SYNE1: variants seen among roughly 807,000 people sequenced by gnomAD.
SYNE1 encodes spectrin repeat containing nuclear envelope protein 1.
In SYNE1, 616 loss-of-function variants were observed where a neutral mutation model predicts 1,111.0. The observed-to-expected ratio is 0.55, with a 90% CI of 0.52 to 0.59. The LOEUF is 0.59. SYNE1 is among the 20% of genes least tolerant of loss of function. The probability of loss-of-function intolerance (pLI) is 0.00; values close to 1 mark genes in which losing one functional copy is unlikely to be tolerated. For missense variants in SYNE1, 10,006 were observed against 10,417.0 expected (o/e 0.96, Z 1.72); for synonymous variants, 3,855 against 3,825.8 (o/e 1.01, Z -0.28).
chr6:152,362,376 T>C lies in SYNE1; in HGVS notation c.10146-53A>G, dbSNP rs2096948265. ...TCCACATTGAGAATCCTTAGGAGTC[T>C]AAAATGTCATTGTGTCTGCTCCATC... On this transcript the variant is annotated intron_variant, in intron 63 of 145. Coordinates refer to ENST00000367255, the MANE Select transcript of SYNE1 (RefSeq NM_182961.4). The C allele has an allele frequency of 5.6e-6, 9 of 1,611,364 alleles. No homozygotes were observed. The Middle Eastern group carries it at 8.3e-4, about 148-fold the overall frequency.
chr6:152,395,709 G>A, intron 50 of SYNE1, 38 bp from the exon 51 acceptor site: 9 of 1,608,808 alleles, frequency 5.6e-6, no homozygotes, highest in Non-Finnish European at 7.7e-6. Context: ...ATTCTTACAT[G>A]CTTGTTATGA....
Position 152,416,615 on chromosome 6 carries a change from C to G in SYNE1, c.5822G>C (p.Ser1941Thr). ...SKAQYHLKIG[S>T]SEQRTSCRAT... Reference sequence around the variant, plus strand: ...TCTGCAGGAAGTCCTTTGCTCAGAGCTCCCGATTTTCAGATGGTATTGGGC... The same window carrying G: ...TCTGCAGGAAGTCCTTTGCTCAGAGGTCCCGATTTTCAGATGGTATTGGGC... Residue 1941 changes from serine to threonine, a missense_variant, in exon 41 of 146, where the codon AGC (serine) becomes ACC (threonine). Coordinates refer to ENST00000367255, the MANE Select transcript of SYNE1 (RefSeq NM_182961.4). The G allele has an allele frequency of 6.2e-7, 1 of 1,614,106 alleles. No individual in the cohort carries two copies. The highest frequency in any genetic ancestry group is 8.5e-7 in the Non-Finnish European group (1 of 1,180,018).
At chr6:152,508,566 C>T (rs56697395) in intron 8 of SYNE1, among the ~76,000 whole-genome samples, 5,178 of 152,208 alleles carry the variant, frequency 0.034, 297 homozygotes, top group African/African-American at 0.12. Context: ...AATTTAATGT[C>T]GTGTGAAGCA....
chr6:152,135,157 T>C lies in SYNE1; in HGVS notation c.25735A>G (p.Ile8579Val), dbSNP rs200178554. ...ATCTCTGCATCAAGGTTAGAATCAA[T>C]AGGGACAATTTCATTTTTCCTTCTG... ...IDRRKNEIVPIDSNLDAEILQ... is the reference protein window; with the variant it reads ...IDRRKNEIVPVDSNLDAEILQ... The change falls in exon 142 of 146, where the codon ATT (isoleucine) becomes GTT (valine). Residue 8579 changes from isoleucine to valine, a missense_variant. By Grantham distance (29) the Ile-to-Val change is conservative. This residue lies in a region of SYNE1 where 761 missense variants were observed against 795.5 expected (regional missense o/e 0.96). Coordinates refer to ENST00000367255, the MANE Select transcript of SYNE1 (RefSeq NM_182961.4). The C allele has an allele frequency of 2.5e-6, 4 of 1,614,128 alleles. No individual in the cohort carries two copies. The highest frequency in any genetic ancestry group is 4.5e-5 in the East Asian group (2 of 44,858).
intron 42 of SYNE1, among the ~76,000 whole-genome samples, chr6:152,411,731 C>A (rs79096314): frequency 0.035 from 5,177 of 149,580 alleles, 126 homozygotes; most frequent in African/African-American, 0.052. Context: ...ACACACACCC[C>A]CACACACACA....
intron 95 of SYNE1, among the ~76,000 whole-genome samples, chr6:152,292,552 T>C (rs888703482): frequency 2.0e-5 from 3 of 152,190 alleles, no homozygotes; most frequent in Non-Finnish European, 4.4e-5. Context: ...CTGAAAGATA[T>C]ATACTGCAAA....
chr6:152,200,934 C>T (rs763012197), intron 127 of SYNE1, among the ~76,000 whole-genome samples: 40 of 152,144 alleles, frequency 2.6e-4, no homozygotes, highest in African/African-American at 8.9e-4. Flanking sequence ...GATTTCTAGA[C>T]CTCTTTAACA....
intron 95 of SYNE1, among the ~76,000 whole-genome samples, chr6:152,284,427 A>G (rs996712098): frequency 3.3e-5 from 5 of 151,652 alleles, no homozygotes; most frequent in Non-Finnish European, 5.9e-5. Flanking sequence ...CAATAGGATC[A>G]TCTGTAATAC....
intron 24 of SYNE1, among the ~76,000 whole-genome samples, chr6:152,454,349 G>C (rs2098678277): frequency 6.6e-6 from 1 of 152,130 alleles, no homozygotes; most frequent in African/African-American, 2.4e-5. Context: ...ATGGGGATGG[G>C]GTCCTCATGA....
At chr6:152,376,332 T>G in intron 58 of SYNE1, 49 bp downstream of exon 58, 1 of 1,601,358 alleles carries the variant, frequency 6.2e-7, no homozygotes, top group East Asian at 2.2e-5. Flanking sequence ...AGAGGTTAAC[T>G]TTAGTTCACA....
At chr6:152,293,303 T>A (rs1483110577) in intron 95 of SYNE1, among the ~76,000 whole-genome samples, 1 of 152,234 alleles carries the variant, frequency 6.6e-6, no homozygotes, top group Admixed American at 6.5e-5. Flanking sequence ...ACATTTTGTG[T>A]AATCAAAGTT....
At chr6:152,308,754 T>C in intron 90 of SYNE1, 122 bp from the exon 91 acceptor site, 1 of 1,077,828 alleles carries the variant, frequency 9.3e-7, no homozygotes, top group Non-Finnish European at 1.3e-6. Flanking sequence ...AAATGATGGG[T>C]AAAATTCCTA....
chr6:152,236,886 G>T lies in SYNE1; in HGVS notation c.20130C>A (p.Ser6710Arg). 1 of 1,614,140 alleles carries T rather than the reference G, an allele frequency of 6.2e-7. No individual in the cohort carries two copies. The highest frequency in any genetic ancestry group is 8.5e-7 in the Non-Finnish European group (1 of 1,180,018). Residue 6710 changes from serine (S) to arginine (R), a missense_variant, in exon 109 of 146, where the codon AGC (serine) becomes AGA (arginine). Transcript: ENST00000367255. Reference protein sequence around the residue: ...ELSRQLEVVESSIPSVGLVEE... With the variant: ...ELSRQLEVVERSIPSVGLVEE... ...CCACCAGACCCACGCTTGGGATGCTGCTTTCCACCACCTCCAGCTGTCTGC... is the reference window on the plus strand; with the variant it reads ...CCACCAGACCCACGCTTGGGATGCTTCTTTCCACCACCTCCAGCTGTCTGC...
intron 3 of SYNE1, among the ~76,000 whole-genome samples, chr6:152,581,921 ACT>A (rs1237839511): frequency 6.6e-6 from 1 of 151,788 alleles, no homozygotes; most frequent in African/African-American, 2.4e-5. Context: ...TCAGAGCTTG[ACT>A]CTGATAATAT....
At chr6:152,483,022 G>C in intron 14 of SYNE1, 63 bp downstream of exon 14, 2 of 1,594,532 alleles carry the variant, frequency 1.3e-6, no homozygotes, top group Non-Finnish European at 1.7e-6. Context: ...GTTGTAACTA[G>C]GCTACCTCTC....
intron 95 of SYNE1, among the ~76,000 whole-genome samples, chr6:152,287,183 CT>C (rs535000335): frequency 3.1e-4 from 47 of 149,772 alleles, no homozygotes; most frequent in East Asian, 9.7e-4. Context: ...TATTTTCAAA[CT>C]TTTTTTTTTG....
intron 3 of SYNE1, among the ~76,000 whole-genome samples, chr6:152,614,332 A>G (rs2099640149): frequency 6.6e-6 from 1 of 152,266 alleles, no homozygotes. Flanking sequence ...GGATATAAAC[A>G]GACACTTTTC....
At chr6:152,372,921 AG>A in intron 59 of SYNE1, 115 bp downstream of exon 59, 1 of 1,109,778 alleles carries the variant, frequency 9.0e-7, no homozygotes, top group Admixed American at 1.7e-5. Flanking sequence ...ATGTTCTGAG[AG>A]GGGTAACCAA....
At chr6:152,574,446 AT>A (rs1276806039) in intron 3 of SYNE1, among the ~76,000 whole-genome samples, 3 of 151,908 alleles carry the variant, frequency 2.0e-5, no homozygotes, top group African/African-American at 7.3e-5. Context: ...CTGACAGTTA[AT>A]TGCTGTAATT....
Sources: allele counts gnomAD v4.1 joint callset (sites outside exome capture counted in the v4.1 genomes callset), GRCh38; gene constraint gnomAD v4.1.1; regional missense constraint gnomAD v4.1.1; transcripts MANE v1.5; gene names NCBI Gene and HGNC (gene_info 2026-07-23, HGNC 2026-07-21).